ADAMTS3: variants seen among roughly 807,000 people sequenced by gnomAD.
The protein encoded by ADAMTS3 is ADAM metallopeptidase with thrombospondin type 1 motif 3, also known as A disintegrin and metalloproteinase with thrombospondin motifs 3.
Under a neutral mutation model 129.0 loss-of-function variants are expected in ADAMTS3, and 73 were observed. The observed-to-expected ratio is 0.57, with a 90% confidence interval of 0.47 to 0.69. ADAMTS3 has a LOEUF of 0.69. Among genes scored for constraint, ADAMTS3 ranks in the 30% least tolerant of loss-of-function variants. The pLI, the probability that ADAMTS3 is intolerant of heterozygous loss-of-function variation, is 0.00. For synonymous variants in ADAMTS3, 477 were observed against 510.8 expected (o/e 0.93, Z 0.89); for missense variants, 1,457 against 1,514.5 (o/e 0.96, Z 0.63).
chr4:72,499,268 T>C (rs188545362), intron 3 of ADAMTS3, among the ~76,000 whole-genome samples: 5 of 152,310 alleles, frequency 3.3e-5, no homozygotes, highest in Admixed American at 6.5e-5. Flanking sequence ...TTTAAAAATC[T>C]ATTCACAAAA....
intron 3 of ADAMTS3, among the ~76,000 whole-genome samples, chr4:72,415,915 C>T (rs1722292702): frequency 6.6e-6 from 1 of 151,452 alleles, no homozygotes; most frequent in Admixed American, 6.6e-5. Context: ...AAAATTCAAA[C>T]AAATAATGTC....
At chr4:72,320,905 CA>C (rs747238741) in intron 6 of ADAMTS3, 35 bp from the exon 7 acceptor site, 2 of 1,587,036 alleles carry the variant, frequency 1.3e-6, no homozygotes, top group African/African-American at 2.7e-5. Context: ...ACACACCTGA[CA>C]ATTTCCCAAA....
At chr4:72,436,750 G>A (rs1021505462) in intron 3 of ADAMTS3, among the ~76,000 whole-genome samples, 11 of 151,796 alleles carry the variant, frequency 7.2e-5, no homozygotes, top group African/African-American at 1.4e-4. Flanking sequence ...GCAAACTATC[G>A]CAAGGACAGA....
At chr4:72,379,437 GAA>G (rs5859315) in intron 4 of ADAMTS3, among the ~76,000 whole-genome samples, 4,667 of 132,362 alleles carry the variant, frequency 0.035, 284 homozygotes, top group Admixed American at 0.18. Flanking sequence ...TAAACAGTTT[GAA>G]AAAAAAAAAA....
intron 5 of ADAMTS3, among the ~76,000 whole-genome samples, chr4:72,332,450 A>G (rs1719875016): frequency 1.3e-5 from 2 of 152,186 alleles, no homozygotes; most frequent in African/African-American, 4.8e-5. Flanking sequence ...AGCTAATTTC[A>G]ATATACAAAG....
chr4:72,550,231 CA>C (rs1721613095), intron 2 of ADAMTS3, among the ~76,000 whole-genome samples: 1 of 151,884 alleles, frequency 6.6e-6, no homozygotes, highest in Non-Finnish European at 1.5e-5. Context: ...GTATGATTCA[CA>C]AAACTGCTCA....
intron 3 of ADAMTS3, among the ~76,000 whole-genome samples, chr4:72,446,039 A>G (rs1033407232): frequency 2.0e-5 from 3 of 151,644 alleles, no homozygotes; most frequent in Non-Finnish European, 4.4e-5. Context: ...CTCCCATACA[A>G]GAAGATATGT....
At chr4:72,556,553 A>G (rs762377204) in intron 2 of ADAMTS3, among the ~76,000 whole-genome samples, 10 of 151,808 alleles carry the variant, frequency 6.6e-5, no homozygotes, top group Non-Finnish European at 1.3e-4. Context: ...AGGCACATAG[A>G]ATATTGAAAT....
In ADAMTS3 at chr4:72,471,963, G is replaced by T. The variant is rs180913522; in HGVS notation, c.505-56992C>A. 2.2e-3 allele frequency among the ~76,000 whole-genome samples: 337 copies of T among 152,114 alleles called. 13 individuals are homozygous for T. Among genetic ancestry groups the T allele is most frequent in the Admixed American group, 0.022 (334 of 15,286 alleles). ...AAAGAAACCAAGATCCTCCACTGAA[G>T]AAAGCTATCAGTAGAGATCACTTCT... On this transcript the variant is annotated intron_variant, in intron 3 of 21. Transcript: ENST00000286657.
chr4:72,291,651 TG>T (rs1718672682), intron 19 of ADAMTS3, among the ~76,000 whole-genome samples: 1 of 151,880 alleles, frequency 6.6e-6, no homozygotes, highest in Non-Finnish European at 1.5e-5. Flanking sequence ...AGTCTATCAT[TG>T]TTGGACATTT....
chr4:72,484,488 T>A (rs1159587050), intron 3 of ADAMTS3, among the ~76,000 whole-genome samples: 1 of 152,184 alleles, frequency 6.6e-6, no homozygotes, highest in Non-Finnish European at 1.5e-5. Flanking sequence ...TGAACCTCAT[T>A]AAGGCACAAA....
chr4:72,284,428 G>C (rs568301891), intron 21 of ADAMTS3, among the ~76,000 whole-genome samples: 23 of 142,974 alleles, frequency 1.6e-4, no homozygotes, highest in African/African-American at 4.9e-4. Flanking sequence ...CTGGGTGACA[G>C]AGCGAGACTC....
At chr4:72,562,829 C>T (rs1392839005) in intron 2 of ADAMTS3, among the ~76,000 whole-genome samples, 1 of 152,136 alleles carries the variant, frequency 6.6e-6, no homozygotes, top group East Asian at 1.9e-4. Flanking sequence ...TTGATCTCTA[C>T]TACACGAACA....
At chr4:72,325,363 C>T (rs1254858652) in intron 5 of ADAMTS3, among the ~76,000 whole-genome samples, 1 of 152,098 alleles carries the variant, frequency 6.6e-6, no homozygotes, top group Non-Finnish European at 1.5e-5. Context: ...ATCTTCCACC[C>T]TCCTGTTCTG....
At chr4:72,321,510 A>G (rs556693947) in intron 6 of ADAMTS3, among the ~76,000 whole-genome samples, 2 of 152,264 alleles carry the variant, frequency 1.3e-5, no homozygotes, top group South Asian at 4.1e-4. Flanking sequence ...CATTTAGGTA[A>G]TAATTTTAGT....
chr4:72,440,420 G>C (rs555995387), intron 3 of ADAMTS3, among the ~76,000 whole-genome samples: 4 of 151,620 alleles, frequency 2.6e-5, no homozygotes, highest in Non-Finnish European at 5.9e-5. Flanking sequence ...TGTTGCATAG[G>C]GGAAAAAAAT....
chr4:72,311,571 A>G (rs187061271), intron 13 of ADAMTS3, among the ~76,000 whole-genome samples: 1 of 152,306 alleles, frequency 6.6e-6, no homozygotes, highest in Admixed American at 6.5e-5. Context: ...CATCTAACAT[A>G]GTTTTTGCCT....
At chr4:72,305,090 T>A (rs1435969522) in intron 16 of ADAMTS3, among the ~76,000 whole-genome samples, 1 of 152,138 alleles carries the variant, frequency 6.6e-6, no homozygotes, top group Non-Finnish European at 1.5e-5. Flanking sequence ...ATGGAGTTGA[T>A]ACGTGATGTC....
chr4:72,288,999 T>A (rs1407926534), intron 20 of ADAMTS3, 131 bp from the exon 21 acceptor site: 1 of 630,514 alleles, frequency 1.6e-6, no homozygotes, highest in Non-Finnish European at 2.8e-6. Flanking sequence ...GGGTTCTCTA[T>A]TAAGTAATGC....
Sources: allele counts gnomAD v4.1 joint callset (sites outside exome capture counted in the v4.1 genomes callset), GRCh38; gene constraint gnomAD v4.1.1; transcripts MANE v1.5; gene names NCBI Gene and HGNC (gene_info 2026-07-23, HGNC 2026-07-21).